Variants in RNF19A observed in about 807,000 individuals in gnomAD.
The protein encoded by RNF19A is E3 ubiquitin-protein ligase RNF19A.
Under a neutral mutation model 75.7 loss-of-function variants are expected in RNF19A, and 32 were observed. The ratio of observed to expected loss-of-function variants is 0.42; its 90% CI spans 0.32 to 0.57. RNF19A has a LOEUF of 0.57. Among genes scored for constraint, RNF19A ranks in the 20% least tolerant of loss-of-function variants. RNF19A has a pLI of 0.10. For missense variants in RNF19A, 782 were observed against 1,036.3 expected, an observed-to-expected ratio of 0.75 and a Z score of 3.37; for synonymous variants, 335 against 345.2, an observed-to-expected ratio of 0.97 and a Z score of 0.33.
rs59979866 is a variant in RNF19A at position 100,296,744 on chromosome 8, C to T, written c.-93-8477G>A. On this transcript the variant is annotated intron_variant, in intron 1 of 9. Transcript: ENST00000341084. ...TTTCTGTAAATCATTCCTACTCTCG[C>T]TATTTACATTATTAGTACAGCATTC... Among the ~76,000 whole-genome samples, 781 of 152,276 alleles carry T rather than the reference C, an allele frequency of 5.1e-3. 8 individuals are homozygous for T. Among genetic ancestry groups the T allele is most frequent in the African/African-American group, 0.018 (764 of 41,542 alleles).
chr8:100,316,812 C>T (rs1042440324), intron 1 of RNF19A, among the ~76,000 whole-genome samples: 1 of 152,208 alleles, frequency 6.6e-6, no homozygotes, highest in African/African-American at 2.4e-5. Flanking sequence ...GATTGGCTGC[C>T]GTGGAGCAGG....
Position 100,269,841 on chromosome 8 carries a change from A to C in RNF19A, c.1028+28T>G. On this transcript the variant is annotated intron_variant, in intron 4 of 9. Coordinates refer to ENST00000341084, the MANE Select transcript of RNF19A (RefSeq NM_183419.4). The surrounding 1 kb of genome is among the most constrained non-coding windows in gnomAD (Gnocchi z 5.7). ...TCTTACAATATAAAATTACATTTAC[A>C]TATAAATAGCTCCTTCTATAAGCTT... 1 of 1,528,394 alleles carries C rather than the reference A, an allele frequency of 6.5e-7. No homozygotes were observed. The highest frequency in any genetic ancestry group is 8.8e-7 in the Non-Finnish European group (1 of 1,136,566). 94.7% of individuals were successfully genotyped at this position (1,528,394 alleles called of 1,614,324 possible). A position where few individuals can be genotyped will look rare whatever the true frequency, so the allele number is the denominator to read the frequency against.
rs571904690 is a variant in RNF19A at position 100,260,489 on chromosome 8, C to T, written c.1683-492G>A. On this transcript the variant is annotated intron_variant, in intron 8 of 9. Transcript: ENST00000341084. The surrounding 1 kb of genome is among the most constrained non-coding windows in gnomAD (Gnocchi z 4.1). ...CTCGTTATGTTGCCCAGGCTGGTCT[C>T]AAATTCCTGGCCTCAAGCTATCCTC... Among the ~76,000 whole-genome samples, 8 of 152,166 alleles carry T rather than the reference C, an allele frequency of 5.3e-5. No individual in the cohort carries two copies. In the South Asian group the frequency reaches 1.7e-3, roughly 32 times the overall value.
rs1262179405 is a variant in RNF19A, at chr8:100,325,359, A to G, written c.-243+10749T>C. Among the ~76,000 whole-genome samples the G allele has an allele frequency of 6.6e-6, 1 of 152,176 alleles. No homozygotes were observed. The highest frequency in any genetic ancestry group is 1.5e-5 in the Non-Finnish European group (1 of 68,024). On this transcript the variant is annotated intron_variant, in intron 1 of 3. Transcript: ENST00000519527. This position sits in a 1 kb window ranked among gnomAD's most constrained non-coding sequence, Gnocchi z 4.3. ...ACAATGTAACTGTGTAAATTTATAA[A>G]TTATAAAATTACAAAGTAATTCTGG...
rs1168574940 is a variant in RNF19A, at chr8:100,332,080, ATAT to A, written c.-243+4025_-243+4027del. 1.3e-5 allele frequency among the ~76,000 whole-genome samples: 2 copies of A among 152,210 alleles called. No homozygotes were observed. Among genetic ancestry groups the A allele is most frequent in the Non-Finnish European group, 2.9e-5 (2 of 68,036 alleles). ...TATTTGTAAGAATTATCTGGGTTATATATTATTTTACACATATTGTGAATTACC... is the reference window on the plus strand; with the variant it reads ...TATTTGTAAGAATTATCTGGGTTATATATTTTACACATATTGTGAATTACC... On this transcript the variant is annotated intron_variant, in intron 1 of 3. Transcript: ENST00000519527. The surrounding 1 kb of genome is among the most constrained non-coding windows in gnomAD (Gnocchi z 4.8).
chr8:100,262,597 T>C (rs1451624223), intron 7 of RNF19A, among the ~76,000 whole-genome samples: 1 of 152,130 alleles, frequency 6.6e-6, no homozygotes, highest in Non-Finnish European at 1.5e-5. Context: ...TGGGCTATGA[T>C]AAGGACTTTG....
chr8:100,281,010 A>T (rs1033273806), intron 2 of RNF19A, among the ~76,000 whole-genome samples: 28 of 152,226 alleles, frequency 1.8e-4, no homozygotes, highest in African/African-American at 6.3e-4. Flanking sequence ...GCTCAATAGA[A>T]GGTCATGGAA....
chr8:100,276,433 T>TG (rs1820516299), intron 2 of RNF19A, among the ~76,000 whole-genome samples: 1 of 149,748 alleles, frequency 6.7e-6, no homozygotes, highest in Non-Finnish European at 1.5e-5. Flanking sequence ...GGGGAAAGAG[T>TG]GGGGGGAAGT....
At chr8:100,326,351 AAC>A (rs1377540632) in intron 1 of RNF19A, among the ~76,000 whole-genome samples, 1 of 152,178 alleles carries the variant, frequency 6.6e-6, no homozygotes, top group Non-Finnish European at 1.5e-5. Flanking sequence ...CACAGTTCCT[AAC>A]ACAGCGATTC....
chr8:100,323,848 T>G lies in RNF19A; in HGVS notation c.-242-10476A>C, dbSNP rs967222842. Among the ~76,000 whole-genome samples, 3 of 152,214 alleles carry G rather than the reference T, an allele frequency of 2.0e-5. No homozygotes were observed. The highest frequency in any genetic ancestry group is 4.4e-5 in the Non-Finnish European group (3 of 68,036). ...GGAGTTTTCAATAAACATCACAAGT[T>G]GTTTGTAAAATGACTGTGCCAAACC... On this transcript the variant is annotated intron_variant, in intron 1 of 3. Coordinates refer to the RNF19A transcript ENST00000519527. This position sits in a 1 kb window ranked among gnomAD's most constrained non-coding sequence, Gnocchi z 4.6.
rs1336781098 is a variant in RNF19A at position 100,275,598 on chromosome 8, T to C, written c.675-437A>G. On this transcript the variant is annotated intron_variant, in intron 2 of 9. Transcript: ENST00000341084. The surrounding 1 kb of genome is among the most constrained non-coding windows in gnomAD (Gnocchi z 4.3). ...ATACCAAATTGCATTTAGCCTAATC[T>C]CAATTTTATAAAAAACCATATTAAA... Among the ~76,000 whole-genome samples, 1 of 152,062 alleles carries C rather than the reference T, an allele frequency of 6.6e-6. No homozygotes were observed. The highest frequency in any genetic ancestry group is 2.4e-5 in the African/African-American group (1 of 41,400).
Position 100,260,654 on chromosome 8 carries a change from A to C in RNF19A, c.1683-657T>G, listed in dbSNP as rs1464267304. On this transcript the variant is annotated intron_variant, in intron 8 of 9. Transcript: ENST00000341084. This position sits in a 1 kb window ranked among gnomAD's most constrained non-coding sequence, Gnocchi z 4.1. Reference sequence around the variant, plus strand: ...AAAAGGCAAACTACCTAAAAATAAGATGTCTAATTTATCTTTTAATTCATG... The same window carrying C: ...AAAAGGCAAACTACCTAAAAATAAGCTGTCTAATTTATCTTTTAATTCATG... 1.3e-5 allele frequency among the ~76,000 whole-genome samples: 2 copies of C among 152,182 alleles called. No individual in the cohort carries two copies. Among genetic ancestry groups the C allele is most frequent in the Non-Finnish European group, 2.9e-5 (2 of 68,042 alleles).
chr8:100,334,032 G>A (rs1822644038), intron 1 of RNF19A, among the ~76,000 whole-genome samples: 1 of 152,132 alleles, frequency 6.6e-6, no homozygotes, highest in African/African-American at 2.4e-5. Flanking sequence ...GTCACTGTTT[G>A]TGCCTACACC....
Position 100,261,245 on chromosome 8 carries a change from C to T in RNF19A, c.1682+297G>A, listed in dbSNP as rs2132486563. On this transcript the variant is annotated intron_variant, in intron 8 of 9. Coordinates refer to ENST00000341084, the MANE Select transcript of RNF19A (RefSeq NM_183419.4). The surrounding 1 kb of genome is among the most constrained non-coding windows in gnomAD (Gnocchi z 4.4). The stretch of plus-strand genomic sequence containing the variant: ...GACCAGCTGGGACTACAGGTGCATG[C>T]CACCAAATCCGGCTAATTTTTTATA... 6.6e-6 allele frequency among the ~76,000 whole-genome samples: 1 copy of T among 152,116 alleles called. No individual in the cohort carries two copies.
Position 100,264,715 on chromosome 8 carries a change from G to A in RNF19A, c.1262C>T (p.Thr421Met), listed in dbSNP as rs760793228. ...KRNLAIAGGVTLSVIVSPVVA... is the reference protein window; with the variant it reads ...KRNLAIAGGVMLSVIVSPVVA... ...TACTGGAGACACGATTACAGACAACGTTACACCACCTGCTATGGCCAAATT... is the reference window on the plus strand; with the variant it reads ...TACTGGAGACACGATTACAGACAACATTACACCACCTGCTATGGCCAAATT... Residue 421 changes from threonine (T) to methionine (M), a missense_variant, in exon 6 of 10, where the codon ACG becomes ATG. Coordinates refer to ENST00000341084, the MANE Select transcript of RNF19A (RefSeq NM_183419.4). The surrounding 1 kb of genome is among the most constrained non-coding windows in gnomAD (Gnocchi z 4.7). 1.1e-5 allele frequency: 17 copies of A among 1,613,596 alleles called. No individual in the cohort carries two copies. Among genetic ancestry groups the A allele is most frequent in the Middle Eastern group, 1.7e-4 (1 of 6,060 alleles).
At chr8:100,274,468 GA>G (rs1430486345) in intron 3 of RNF19A, among the ~76,000 whole-genome samples, 7 of 152,150 alleles carry the variant, frequency 4.6e-5, no homozygotes, top group African/African-American at 1.7e-4. Flanking sequence ...ATTAAATGTC[GA>G]ACATTCTGTG....
At chr8:100,278,964 C>A (rs987744861) in intron 2 of RNF19A, among the ~76,000 whole-genome samples, 5 of 152,038 alleles carry the variant, frequency 3.3e-5, no homozygotes, top group African/African-American at 7.2e-5. Context: ...ATTTTCTTCT[C>A]AAATTTTTCC....
chr8:100,310,741 C>T (rs72677945), upstream of RNF19A, among the ~76,000 whole-genome samples: 177 of 145,144 alleles, frequency 1.2e-3, 2 homozygotes, highest in Admixed American at 3.6e-3. Flanking sequence ...GAGTATCTTC[C>T]ATTCATCTCT....
At chr8:100,292,263 C>A (rs900614277) in intron 1 of RNF19A, among the ~76,000 whole-genome samples, 3 of 152,022 alleles carry the variant, frequency 2.0e-5, no homozygotes, top group Non-Finnish European at 4.4e-5. Flanking sequence ...GATTGGGAAT[C>A]CACGAGGAAC....
Sources: allele counts gnomAD v4.1 joint callset (sites outside exome capture counted in the v4.1 genomes callset), GRCh38; gene constraint gnomAD v4.1.1; non-coding constraint Gnocchi (gnomAD v3.1); transcripts MANE v1.5; gene names NCBI Gene and HGNC (gene_info 2026-07-23, HGNC 2026-07-21).